Variants in ZNF831 observed in about 807,000 individuals in gnomAD.
The protein encoded by ZNF831 is chromosome 20 open reading frame 174.
A neutral mutation model predicts 95.8 loss-of-function variants in ZNF831; 59 were observed. That is an observed-to-expected ratio of 0.62 (90% CI 0.50 to 0.77). ZNF831 has a LOEUF of 0.77. Ranked by LOEUF, ZNF831 falls within the 30% of genes least tolerant of loss-of-function variation. The pLI, the probability that ZNF831 is intolerant of heterozygous loss-of-function variation, is 0.00. For synonymous variants in ZNF831, 961 were observed against 925.5 expected (o/e 1.04, Z -0.70); for missense variants, 2,205 against 2,164.0 (o/e 1.02, Z -0.38).
At chr20:59,214,961 A>G (rs1985582380) in intron 4 of ZNF831, among the ~76,000 whole-genome samples, 1 of 152,260 alleles carries the variant, frequency 6.6e-6, no homozygotes, top group African/African-American at 2.4e-5. Flanking sequence ...GCTGCAAAAA[A>G]TAATCTCATA....
intron 1 of ZNF831, among the ~76,000 whole-genome samples, chr20:59,189,525 T>G (rs1568748430): frequency 6.6e-6 from 1 of 152,190 alleles, no homozygotes; most frequent in Non-Finnish European, 1.5e-5. Context: ...ATTTATATAT[T>G]TTTTGAGACA....
upstream of ZNF831, among the ~76,000 whole-genome samples, chr20:59,161,315 T>C (rs1470305531): frequency 6.6e-6 from 1 of 152,144 alleles, no homozygotes; most frequent in East Asian, 1.9e-4. Context: ...TCCCGCTCTG[T>C]AGTCCGGGCT....
At chr20:59,202,894 AATTTAAAT>A (rs1257328698) in intron 3 of ZNF831, among the ~76,000 whole-genome samples, 1 of 152,204 alleles carries the variant, frequency 6.6e-6, no homozygotes, top group Non-Finnish European at 1.5e-5. Flanking sequence ...AACATACGTA[AATTTAAAT>A]ATAAGTTTAA....
intron 1 of ZNF831, among the ~76,000 whole-genome samples, chr20:59,185,003 G>A (rs1436558664): frequency 5.9e-5 from 9 of 152,170 alleles, no homozygotes; most frequent in Non-Finnish European, 1.2e-4. Flanking sequence ...CTGCGTGTGG[G>A]AGCCTGGGGA....
chr20:59,236,454 GTTTTTGT>G (rs1987003980), intron 4 of ZNF831, among the ~76,000 whole-genome samples: 2 of 151,014 alleles, frequency 1.3e-5, no homozygotes, highest in African/African-American at 2.4e-5. Flanking sequence ...TCCTTTTTTT[GTTTTTGT>G]TTTTTGTTTT....
intron 4 of ZNF831, among the ~76,000 whole-genome samples, chr20:59,213,482 T>C (rs1011942475): frequency 7.9e-5 from 12 of 152,204 alleles, no homozygotes; most frequent in Non-Finnish European, 1.5e-4. Flanking sequence ...AAGAAGACCT[T>C]GTTTACCAAG....
intron 4 of ZNF831, among the ~76,000 whole-genome samples, chr20:59,214,635 G>A (rs1472819941): frequency 6.6e-6 from 1 of 152,238 alleles, no homozygotes; most frequent in Non-Finnish European, 1.5e-5. Context: ...GTATGTGTGT[G>A]TGTCTGCACA....
At chr20:59,225,945 G>T (rs750325002) in intron 4 of ZNF831, among the ~76,000 whole-genome samples, 3 of 152,222 alleles carry the variant, frequency 2.0e-5, no homozygotes, top group Admixed American at 6.5e-5. Flanking sequence ...AATGTGACCA[G>T]GTCTCTGTTG....
intron 1 of ZNF831, among the ~76,000 whole-genome samples, chr20:59,126,775 C>T (rs1405096642): frequency 6.6e-6 from 1 of 152,230 alleles, no homozygotes; most frequent in Non-Finnish European, 1.5e-5. Context: ...GAAAGACTTT[C>T]TTGCTTGTCC....
chr20:59,226,963 T>A (rs567628700), intron 4 of ZNF831, among the ~76,000 whole-genome samples: 1 of 152,296 alleles, frequency 6.6e-6, no homozygotes, highest in African/African-American at 2.4e-5. Context: ...TCACTTTCAT[T>A]TCTCCCGTAG....
At chr20:59,155,654 C>T (rs139676135) in intron 2 of ZNF831, among the ~76,000 whole-genome samples, 28 of 152,276 alleles carry the variant, frequency 1.8e-4, no homozygotes, top group Admixed American at 7.8e-4. Flanking sequence ...GGGGCCAGGC[C>T]GCACTGTCTA....
At chr20:59,131,900 T>G (rs1489335881) in intron 1 of ZNF831, among the ~76,000 whole-genome samples, 2 of 152,264 alleles carry the variant, frequency 1.3e-5, no homozygotes, top group African/African-American at 4.8e-5. Context: ...AAATGAAAAC[T>G]GTTTTCATTG....
At chr20:59,126,638 AT>A (rs1979178383) in intron 1 of ZNF831, among the ~76,000 whole-genome samples, 1 of 152,198 alleles carries the variant, frequency 6.6e-6, no homozygotes, top group African/African-American at 2.4e-5. Context: ...ACACACTGAA[AT>A]TCAGCTTCCA....
chr20:59,223,601 T>C (rs1456489024), intron 4 of ZNF831, among the ~76,000 whole-genome samples: 1 of 152,136 alleles, frequency 6.6e-6, no homozygotes, highest in Non-Finnish European at 1.5e-5. Context: ...TAGGGACGTG[T>C]CTCAGCTCTT....
At chr20:59,252,888 G>A (rs1016128858) in intron 4 of ZNF831, 90 bp from the exon 5 acceptor site, 30 of 1,403,238 alleles carry the variant, frequency 2.1e-5, no homozygotes, top group East Asian at 7.4e-5. Flanking sequence ...GCTCAGAGGC[G>A]ATCAAGAAGT....
chr20:59,253,859 T>TCCC lies in ZNF831; in HGVS notation c.4189-33_4189-31dup, dbSNP rs5842258. On this transcript the variant is annotated intron_variant, in intron 5 of 5. Transcript: ENST00000371030. ...ACATTTTTCTTTGTACCAATTAACC[T>TCCC]CCCCCCCCACTTTTTTTTTCCTTTG... 259 of 918,726 alleles carry TCCC rather than the reference T, an allele frequency of 2.8e-4. 6 individuals carry two copies. Among genetic ancestry groups the TCCC allele is most frequent in the South Asian group, 8.4e-4 (35 of 41,522 alleles). 56.9% of individuals were successfully genotyped at this position (918,726 alleles called of 1,614,324 possible).
intron 1 of ZNF831, among the ~76,000 whole-genome samples, chr20:59,127,571 A>C (rs1323972386): frequency 1.3e-5 from 2 of 152,024 alleles, no homozygotes; most frequent in Non-Finnish European, 2.9e-5. Flanking sequence ...CTCGATTTCC[A>C]TGACTGGTTT....
chr20:59,153,305 A>G (rs961865100), intron 2 of ZNF831, among the ~76,000 whole-genome samples: 1 of 152,226 alleles, frequency 6.6e-6, no homozygotes, highest in Non-Finnish European at 1.5e-5. Context: ...GAGAACAGGA[A>G]GGAGTCAACA....
At chr20:59,136,535 A>C (rs539342775) in intron 1 of ZNF831, among the ~76,000 whole-genome samples, 1 of 152,212 alleles carries the variant, frequency 6.6e-6, no homozygotes, top group Non-Finnish European at 1.5e-5. Flanking sequence ...CTGACACCCA[A>C]CTGTTGCTGC....
Sources: allele counts gnomAD v4.1 joint callset (sites outside exome capture counted in the v4.1 genomes callset), GRCh38; gene constraint gnomAD v4.1.1; transcripts MANE v1.5; gene names NCBI Gene and HGNC (gene_info 2026-07-23, HGNC 2026-07-21).